TIAM1: variants seen among roughly 807,000 people sequenced by gnomAD.
TIAM1 encodes TIAM Rac1 associated GEF 1, also known as rho guanine nucleotide exchange factor TIAM1.
TIAM1 carries 65 observed loss-of-function variants against 163.5 expected under a neutral mutation model. The ratio of observed to expected loss-of-function variants is 0.40; its 90% CI spans 0.33 to 0.49. The LOEUF (loss-of-function observed/expected upper bound fraction) is 0.49, where lower values mean the gene tolerates loss of function less well. Ranked by LOEUF, TIAM1 falls within the 20% of genes least tolerant of loss-of-function variation. The pLI, the probability that TIAM1 is intolerant of heterozygous loss-of-function variation, is 0.77. For missense variants in TIAM1, 1,789 were observed against 2,044.7 expected (o/e 0.87, Z 2.41); for synonymous variants, 833 against 810.1 (o/e 1.03, Z -0.48).
At position 31,532,767 on chromosome 21, in the gene TIAM1, G is replaced by A. The variant is rs2048010866; in HGVS notation, c.-422+26160C>T. Among the ~76,000 whole-genome samples the A allele has an allele frequency of 3.3e-5, 5 of 152,062 alleles. No individual in the cohort carries two copies. In the South Asian group the frequency reaches 1.0e-3, roughly 32 times the overall value. On this transcript the variant is annotated intron_variant, in intron 1 of 28. Transcript: ENST00000286827. The stretch of plus-strand genomic sequence containing the variant: ...AATTTCCCCATCCTATCCAGCATGG[G>A]CAACGTGGCCAAATCCCATCTCTAC...
At chr21:31,533,398 C>T (rs943392067) in intron 1 of TIAM1, among the ~76,000 whole-genome samples, 7 of 152,248 alleles carry the variant, frequency 4.6e-5, no homozygotes, top group Non-Finnish European at 1.0e-4. Flanking sequence ...AATTTCATAA[C>T]CTATTTTATT....
At chr21:31,188,953 G>A (rs928534519) in intron 13 of TIAM1, among the ~76,000 whole-genome samples, 4 of 150,882 alleles carry the variant, frequency 2.7e-5, no homozygotes, top group Non-Finnish European at 5.9e-5. Context: ...GATGGCAGGA[G>A]AGGCAACATG....
Position 31,542,583 on chromosome 21 carries a change from T to C in TIAM1, c.-422+16344A>G, listed in dbSNP as rs1297422708. The stretch of plus-strand genomic sequence containing the variant: ...CTCCCTCAAGGATCATCCATGATTT[T>C]CTACACATAGGCTCAGTATCCAGGT... On this transcript the variant is annotated intron_variant, in intron 1 of 28. Transcript: ENST00000286827. Among the ~76,000 whole-genome samples, 3 of 152,202 alleles carry C rather than the reference T, an allele frequency of 2.0e-5. No homozygotes were observed. The East Asian group carries it at 5.8e-4, about 29-fold the overall frequency.
chr21:31,424,956 G>C (rs777058965), intron 2 of TIAM1, among the ~76,000 whole-genome samples: 2 of 151,922 alleles, frequency 1.3e-5, no homozygotes, highest in Non-Finnish European at 2.9e-5. Flanking sequence ...CAGAGGCTGA[G>C]GCAGGAGAAT....
chr21:31,309,415 A>C (rs2074839499), intron 2 of TIAM1, among the ~76,000 whole-genome samples: 1 of 152,210 alleles, frequency 6.6e-6, no homozygotes, highest in Non-Finnish European at 1.5e-5. Flanking sequence ...CCAAGATTGC[A>C]CCACTGCATT....
At chr21:31,275,313 G>A (rs987117532) in intron 3 of TIAM1, among the ~76,000 whole-genome samples, 1 of 151,880 alleles carries the variant, frequency 6.6e-6, no homozygotes, top group Non-Finnish European at 1.5e-5. Context: ...TTCACTTTAA[G>A]GAAAGTAAAA....
intron 2 of TIAM1, among the ~76,000 whole-genome samples, chr21:31,407,116 A>C (rs2077260683): frequency 6.6e-6 from 1 of 152,208 alleles, no homozygotes; most frequent in Non-Finnish European, 1.5e-5. Flanking sequence ...GAAACATCTC[A>C]AAAGCAGGGA....
intron 2 of TIAM1, among the ~76,000 whole-genome samples, chr21:31,378,987 A>G (rs566211786): frequency 1.3e-5 from 2 of 152,140 alleles, no homozygotes; most frequent in African/African-American, 2.4e-5. Context: ...TGTTTTTTCA[A>G]TTGAGATGGA....
intron 1 of TIAM1, among the ~76,000 whole-genome samples, chr21:31,479,098 A>G (rs2046025806): frequency 6.6e-6 from 1 of 152,244 alleles, no homozygotes; most frequent in African/African-American, 2.4e-5. Context: ...CAGCTTCGTG[A>G]GCATTAGGAC....
chr21:31,195,178 A>T, intron 13 of TIAM1, 46 bp downstream of exon 13: 1 of 1,473,168 alleles, frequency 6.8e-7, no homozygotes, highest in Non-Finnish European at 9.5e-7. Flanking sequence ...ATGCTTACAT[A>T]AGAAATACTT....
chr21:31,362,222 G>A (rs894506213), intron 2 of TIAM1, among the ~76,000 whole-genome samples: 2 of 151,908 alleles, frequency 1.3e-5, no homozygotes, highest in African/African-American at 4.8e-5. Context: ...GGCAGCATAA[G>A]AGTGAGTTCA....
At position 31,504,387 on chromosome 21, in the gene TIAM1, G is replaced by A. The variant is rs576631328; in HGVS notation, c.-421-40352C>T. On this transcript the variant is annotated intron_variant, in intron 1 of 28. Coordinates refer to the TIAM1 transcript ENST00000286827. ...ATTCCCCGATACTTTTCAAGGATGG[G>A]CTGCCACTATGTCAAAAAGAAGGTA... Among the ~76,000 whole-genome samples, 253 of 152,320 alleles carry A rather than the reference G, an allele frequency of 1.7e-3. 1 individual carries two copies. Among genetic ancestry groups the A allele is most frequent in the African/African-American group, 5.5e-3 (230 of 41,572 alleles).
chr21:31,299,652 C>T (rs1263231815), intron 2 of TIAM1, among the ~76,000 whole-genome samples: 1 of 152,120 alleles, frequency 6.6e-6, no homozygotes, highest in Non-Finnish European at 1.5e-5. Context: ...CCCCAAGGCA[C>T]GACGTTACCC....
chr21:31,447,214 C>A (rs920893729), intron 2 of TIAM1, among the ~76,000 whole-genome samples: 3 of 152,110 alleles, frequency 2.0e-5, no homozygotes, highest in Admixed American at 2.0e-4. Flanking sequence ...CAAAGGGAAA[C>A]CCCAACTCTA....
intron 7 of TIAM1, among the ~76,000 whole-genome samples, chr21:31,225,021 T>C (rs1393642155): frequency 6.6e-6 from 1 of 152,056 alleles, no homozygotes; most frequent in Non-Finnish European, 1.5e-5. Flanking sequence ...TCTCTCTCTA[T>C]ATATATCTAT....
At position 31,529,924 on chromosome 21, in the gene TIAM1, T is replaced by C. The variant is rs140819298; in HGVS notation, c.-422+29003A>G. On this transcript the variant is annotated intron_variant, in intron 1 of 28. Coordinates refer to the TIAM1 transcript ENST00000286827. ...CATCTCCGCGGAAGTGTCATGGACA[T>C]TACAGCATTCTCTTGTTGCCACCTT... Among the ~76,000 whole-genome samples, 1,040 of 152,250 alleles carry C rather than the reference T, an allele frequency of 6.8e-3. 7 individuals carry two copies. Among genetic ancestry groups the C allele is most frequent in the Middle Eastern group, 0.024 (7 of 294 alleles).
chr21:31,395,140 C>T lies in TIAM1; in HGVS notation c.-368-55718G>A, dbSNP rs148562085. Among the ~76,000 whole-genome samples, 426 of 151,834 alleles carry T rather than the reference C, an allele frequency of 2.8e-3. 1 individual carries two copies. The highest frequency in any genetic ancestry group is 6.8e-3 in the Middle Eastern group (2 of 292). On this transcript the variant is annotated intron_variant, in intron 2 of 28. Coordinates refer to the TIAM1 transcript ENST00000286827. This position sits in a 1 kb window ranked among gnomAD's most constrained non-coding sequence, Gnocchi z 7.5. ...GTAGTCCCAGCTACTTGGGAGGCTG[C>T]GGCACCAGAATTGCTTGAGCCTGGG...
At chr21:31,259,327 A>G (rs1048014403) in intron 4 of TIAM1, among the ~76,000 whole-genome samples, 9 of 152,054 alleles carry the variant, frequency 5.9e-5, no homozygotes, top group African/African-American at 2.2e-4. Flanking sequence ...GGTAGAGACA[A>G]GGTCTCACTA....
chr21:31,217,513 G>C (rs779675766), intron 9 of TIAM1, 40 bp downstream of exon 9: 2 of 1,597,760 alleles, frequency 1.3e-6, no homozygotes, highest in Non-Finnish European at 1.7e-6. Context: ...CCACAGAAGT[G>C]ATTTGTGCGG....
Sources: gnomAD v4.1 joint callset for allele counts (sites outside exome capture counted in the v4.1 genomes callset) on GRCh38, gnomAD v4.1.1 for gene constraint, Gnocchi (gnomAD v3.1) non-coding constraint, MANE v1.5 for transcripts, NCBI Gene and HGNC (gene_info 2026-07-23, HGNC 2026-07-21) for gene names.